PTBP3: variants seen among roughly 807,000 people sequenced by gnomAD.
The protein encoded by PTBP3 is polypyrimidine tract-binding protein 3.
PTBP3 carries 20 observed loss-of-function variants against 58.7 expected under a neutral mutation model. That is an observed-to-expected ratio of 0.34 (90% CI 0.24 to 0.50). The LOEUF (loss-of-function observed/expected upper bound fraction) is 0.50, where lower values mean the gene tolerates loss of function less well. Ranked by LOEUF, PTBP3 falls within the 20% of genes least tolerant of loss-of-function variation. The pLI is 0.98. For synonymous variants in PTBP3, 185 were observed against 219.8 expected (o/e 0.84, Z 1.40); for missense variants, 509 against 637.2 (o/e 0.80, Z 2.17).
chr9:112,368,137 G>T, the PTBP3 span, among the ~76,000 whole-genome samples: 11 of 152,074 alleles, frequency 7.2e-5, no homozygotes, highest in Non-Finnish European at 1.3e-4. Flanking sequence ...TGGGACTACA[G>T]GCATGCACCA....
At chr9:112,303,900 C>T (rs890709768) in intron 1 of PTBP3, among the ~76,000 whole-genome samples, 2 of 149,892 alleles carry the variant, frequency 1.3e-5, no homozygotes, top group African/African-American at 4.9e-5. Context: ...GGCACAGTGG[C>T]TCACACCTGT....
intron 1 of PTBP3, among the ~76,000 whole-genome samples, chr9:112,301,744 G>A (rs1006044839): frequency 2.6e-5 from 4 of 152,146 alleles, no homozygotes; most frequent in African/African-American, 9.7e-5. Flanking sequence ...TACAGGCACT[G>A]TCCCAATACC....
the PTBP3 span, among the ~76,000 whole-genome samples, chr9:112,341,128 A>ATTTGT: frequency 1.3e-5 from 2 of 151,440 alleles, no homozygotes; most frequent in East Asian, 3.9e-4. Context: ...CTCTGCTAGA[A>ATTTGT]TTTGTTTTGT....
chr9:112,309,944 T>C (rs1257912628), intron 1 of PTBP3, among the ~76,000 whole-genome samples: 3 of 152,186 alleles, frequency 2.0e-5, no homozygotes, highest in African/African-American at 7.2e-5. Context: ...TTCCATAGCC[T>C]CCTGTAACTA....
chr9:112,349,927 G>A, the PTBP3 span, among the ~76,000 whole-genome samples: 2 of 149,264 alleles, frequency 1.3e-5, no homozygotes, highest in Non-Finnish European at 3.0e-5. Flanking sequence ...GTTGGAAATT[G>A]CCTGTTGGAG....
At chr9:112,358,937 C>T in the PTBP3 span, among the ~76,000 whole-genome samples, 1,366 of 152,230 alleles carry the variant, frequency 9.0e-3, 18 homozygotes, top group African/African-American at 0.032. Flanking sequence ...TGGGCTCAAG[C>T]GATCCTCCCA....
chr9:112,367,445 T>C, the PTBP3 span, among the ~76,000 whole-genome samples: 1 of 152,162 alleles, frequency 6.6e-6, no homozygotes, highest in Admixed American at 6.5e-5. Context: ...TTGGGTTTTT[T>C]TGTTTTGTTT....
chr9:112,257,440 T>C (rs770632957), intron 5 of PTBP3, among the ~76,000 whole-genome samples: 1 of 152,224 alleles, frequency 6.6e-6, no homozygotes, highest in Non-Finnish European at 1.5e-5. Flanking sequence ...TCTTTTACTC[T>C]GTTTCCCTAA....
Position 112,221,930 on chromosome 9 carries a change from G to C in PTBP3, c.*1921C>G, listed in dbSNP as rs1382267070. ...TTAATTTTTACTTTTAAGAGAAGGG[G>C]TCACACTATGTTCCAGGGCTGGAGT... On this transcript the variant is annotated 3_prime_UTR_variant, in exon 14 of 14. Transcript: ENST00000374257. 1 of 953,440 alleles carries C rather than the reference G, an allele frequency of 1.0e-6. No individual in the cohort carries two copies. Among genetic ancestry groups the C allele is most frequent in the Admixed American group, 6.2e-5 (1 of 16,212 alleles). 59.1% of individuals were successfully genotyped at this position (953,440 alleles called of 1,614,324 possible).
chr9:112,290,672 TAAAAAA>T (rs141146042), intron 2 of PTBP3, among the ~76,000 whole-genome samples: 3 of 53,058 alleles, frequency 5.7e-5, no homozygotes, highest in African/African-American at 2.3e-4. Context: ...ACTCTGTCTT[TAAAAAA>T]AAAAAAAAAA....
chr9:112,242,718 T>C (rs919250006), intron 7 of PTBP3: 4 of 152,224 alleles, frequency 2.6e-5, no homozygotes, highest in African/African-American at 7.2e-5. Flanking sequence ...AGTCACGATA[T>C]TGATGCCGAA....
At chr9:112,375,196 T>C in the PTBP3 span, among the ~76,000 whole-genome samples, 98,372 of 152,138 alleles carry the variant, frequency 0.65, 32,944 homozygotes, top group Middle Eastern at 0.77. Flanking sequence ...TTCACAGTTT[T>C]TGAGCATTCA....
chr9:112,308,191 A>G (rs1829312392), intron 1 of PTBP3, among the ~76,000 whole-genome samples: 1 of 151,942 alleles, frequency 6.6e-6, no homozygotes, highest in Non-Finnish European at 1.5e-5. Context: ...ATGCCCAGCT[A>G]ATTTTTTTTA....
intron 5 of PTBP3, among the ~76,000 whole-genome samples, chr9:112,254,593 A>C (rs1477190686): frequency 6.6e-6 from 1 of 152,228 alleles, no homozygotes; most frequent in Non-Finnish European, 1.5e-5. Flanking sequence ...TCTCCAAAGA[A>C]GCTAATCAAA....
the PTBP3 span, among the ~76,000 whole-genome samples, chr9:112,340,945 G>A: frequency 1.3e-5 from 2 of 151,714 alleles, no homozygotes; most frequent in Non-Finnish European, 2.9e-5. Context: ...ATTATCCAAA[G>A]AGGATAAAGA....
intron 1 of PTBP3, among the ~76,000 whole-genome samples, chr9:112,329,601 G>A (rs1320796037): frequency 6.6e-6 from 1 of 152,184 alleles, no homozygotes; most frequent in African/African-American, 2.4e-5. Context: ...GAAGACAAGA[G>A]TTTGAACACT....
At chr9:112,312,275 G>A (rs896145330) in intron 1 of PTBP3, among the ~76,000 whole-genome samples, 3 of 151,972 alleles carry the variant, frequency 2.0e-5, no homozygotes, top group East Asian at 3.9e-4. Context: ...TTAAGGCCAC[G>A]AGTTCGAGAC....
intron 7 of PTBP3, among the ~76,000 whole-genome samples, chr9:112,236,699 G>C (rs1042966876): frequency 1.3e-5 from 2 of 152,128 alleles, no homozygotes; most frequent in African/African-American, 4.8e-5. Context: ...TTCACACTGG[G>C]CTTGATCATG....
At chr9:112,376,144 G>T in the PTBP3 span, among the ~76,000 whole-genome samples, 2 of 96,626 alleles carry the variant, frequency 2.1e-5, no homozygotes, top group Admixed American at 9.6e-5. Flanking sequence ...TATTAGTCAG[G>T]GTTCTCTAGA....
Sources: gnomAD v4.1 joint callset for allele counts (sites outside exome capture counted in the v4.1 genomes callset) on GRCh38, gnomAD v4.1.1 for gene constraint, MANE v1.5 for transcripts, NCBI Gene and HGNC (gene_info 2026-07-23, HGNC 2026-07-21) for gene names.